Variants in IGSF21 observed in about 807,000 individuals in gnomAD.
IGSF21 encodes the protein immunoglobulin superfamily member 21.
In IGSF21, 28 loss-of-function variants were observed where a neutral mutation model predicts 46.8. The observed-to-expected ratio is 0.60, with a 90% CI of 0.44 to 0.82. The LOEUF is 0.82. Among genes scored for constraint, IGSF21 ranks in the 40% least tolerant of loss-of-function variants. The pLI, the probability that IGSF21 is intolerant of heterozygous loss-of-function variation, is 0.00. For missense variants in IGSF21, 624 were observed against 665.5 expected (o/e 0.94, Z 0.69); for synonymous variants, 284 against 273.6 (o/e 1.04, Z -0.38).
At chr1:18,192,664 G>C (rs927532303) in intron 1 of IGSF21, among the ~76,000 whole-genome samples, 2 of 152,132 alleles carry the variant, frequency 1.3e-5, no homozygotes, top group South Asian at 4.1e-4. Flanking sequence ...CTGGAGAGCA[G>C]TGCAGAGGGG....
chr1:18,115,641 A>T (rs2086180895), intron 1 of IGSF21: 1 of 152,216 alleles, frequency 6.6e-6, no homozygotes, highest in African/African-American at 2.4e-5. Context: ...CACAGCTGGC[A>T]TCTGGAGGAA....
intron 1 of IGSF21, among the ~76,000 whole-genome samples, chr1:18,122,480 C>T (rs891246197): frequency 6.6e-6 from 1 of 152,058 alleles, no homozygotes; most frequent in African/African-American, 2.4e-5. Context: ...CGTGAGCCAC[C>T]ACGCCAAGCC....
chr1:18,231,432 T>C (rs1281104946), intron 2 of IGSF21, among the ~76,000 whole-genome samples: 1 of 152,110 alleles, frequency 6.6e-6, no homozygotes, highest in Non-Finnish European at 1.5e-5. Context: ...GGCAAGAGCC[T>C]GACTCTTGGA....
At chr1:18,347,655 C>T (rs1293950296) in intron 4 of IGSF21, among the ~76,000 whole-genome samples, 2 of 152,166 alleles carry the variant, frequency 1.3e-5, no homozygotes, top group Non-Finnish European at 2.9e-5. Flanking sequence ...GCCCTGAGCT[C>T]GGGAGGGAAG....
intron 4 of IGSF21, among the ~76,000 whole-genome samples, chr1:18,360,371 T>A (rs560205358): frequency 1.3e-5 from 2 of 152,326 alleles, no homozygotes; most frequent in South Asian, 4.1e-4. Flanking sequence ...CCTGAATGAA[T>A]GAATGACTCA....
chr1:18,349,894 T>TAAA (rs55887200), intron 4 of IGSF21, among the ~76,000 whole-genome samples: 3 of 148,596 alleles, frequency 2.0e-5, no homozygotes, highest in East Asian at 2.0e-4. Flanking sequence ...CCCCATCTCT[T>TAAA]AAAAAAAAAA....
At chr1:18,127,916 C>A (rs1364010180) in intron 1 of IGSF21, among the ~76,000 whole-genome samples, 1 of 151,984 alleles carries the variant, frequency 6.6e-6, no homozygotes, top group Non-Finnish European at 1.5e-5. Context: ...CTTCTAAAAA[C>A]AAATGGGGGT....
intron 2 of IGSF21, among the ~76,000 whole-genome samples, chr1:18,278,621 T>C (rs989272700): frequency 1.3e-5 from 2 of 151,982 alleles, no homozygotes; most frequent in African/African-American, 4.8e-5. Flanking sequence ...TGGCGAGATC[T>C]TGGCTTATTA....
intron 1 of IGSF21, among the ~76,000 whole-genome samples, chr1:18,184,060 G>A (rs1453897290): frequency 1.3e-5 from 2 of 152,152 alleles, no homozygotes; most frequent in Non-Finnish European, 2.9e-5. Context: ...AGGTTCTGGA[G>A]TCTGGGTTCA....
chr1:18,123,932 G>C (rs2086255102), intron 1 of IGSF21, among the ~76,000 whole-genome samples: 2 of 152,200 alleles, frequency 1.3e-5, no homozygotes, highest in South Asian at 4.1e-4. Context: ...CGGAGGCCTG[G>C]ACTCTGCTGG....
At chr1:18,370,089 C>A (rs1480700541) in intron 6 of IGSF21, among the ~76,000 whole-genome samples, 2 of 152,152 alleles carry the variant, frequency 1.3e-5, no homozygotes, top group African/African-American at 4.8e-5. Flanking sequence ...ACGGTCTCCT[C>A]TCCAAATACC....
intron 2 of IGSF21, among the ~76,000 whole-genome samples, chr1:18,236,186 A>T (rs2084671217): frequency 6.6e-6 from 1 of 152,106 alleles, no homozygotes; most frequent in African/African-American, 2.4e-5. Flanking sequence ...GGCCAGGTGG[A>T]GATAATTGAA....
intron 2 of IGSF21, among the ~76,000 whole-genome samples, chr1:18,264,307 C>T (rs144970147): frequency 1.3e-5 from 2 of 152,158 alleles, no homozygotes; most frequent in East Asian, 3.9e-4. Context: ...TTCTGCCCGG[C>T]CCCCAACCCT....
At chr1:18,186,162 C>T (rs888956396) in intron 1 of IGSF21, among the ~76,000 whole-genome samples, 54 of 152,254 alleles carry the variant, frequency 3.5e-4, no homozygotes, top group African/African-American at 8.4e-4. Flanking sequence ...TGGAATATCT[C>T]GTAGTTTTCC....
chr1:18,332,177 T>A (rs953732236), intron 3 of IGSF21, among the ~76,000 whole-genome samples: 1 of 152,256 alleles, frequency 6.6e-6, no homozygotes, highest in Non-Finnish European at 1.5e-5. Flanking sequence ...ACATGACACC[T>A]GTGTCGCTAT....
rs943221794 is a variant in IGSF21, at chr1:18,373,478, C to T, written c.1016-2832C>T. Reference sequence around the variant, plus strand: ...CAGCAGGCTTGGCTTCCAGAAGCAACATCTCAACACAGCAGTAAAAGAGGG... The same window carrying T: ...CAGCAGGCTTGGCTTCCAGAAGCAATATCTCAACACAGCAGTAAAAGAGGG... On this transcript the variant is annotated intron_variant, in intron 6 of 9. Transcript: ENST00000251296. Among the ~76,000 whole-genome samples, 10 of 152,276 alleles carry T rather than the reference C, an allele frequency of 6.6e-5. No homozygotes were observed. The East Asian group carries it at 1.7e-3, about 26-fold the overall frequency.
intron 2 of IGSF21, among the ~76,000 whole-genome samples, chr1:18,230,233 A>T (rs1469687365): frequency 6.6e-6 from 1 of 152,084 alleles, no homozygotes; most frequent in Non-Finnish European, 1.5e-5. Context: ...GGGCAGGAGG[A>T]TCCATGTCCT....
chr1:18,118,584 G>A (rs185337725), intron 1 of IGSF21, among the ~76,000 whole-genome samples: 40 of 152,348 alleles, frequency 2.6e-4, no homozygotes, highest in Non-Finnish European at 5.4e-4. Flanking sequence ...AGGCAGGGGC[G>A]GAAGGAGTGA....
chr1:18,163,742 T>C (rs2086650979), intron 1 of IGSF21, among the ~76,000 whole-genome samples: 1 of 152,128 alleles, frequency 6.6e-6, no homozygotes, highest in African/African-American at 2.4e-5. Context: ...AGCGCCTCTT[T>C]GGGGTGGGAG....
Sources: allele counts gnomAD v4.1 joint callset (sites outside exome capture counted in the v4.1 genomes callset), GRCh38; gene constraint gnomAD v4.1.1; transcripts MANE v1.5; gene names NCBI Gene and HGNC (gene_info 2026-07-23, HGNC 2026-07-21).